Variants in ZNF454 observed in about 807,000 individuals in gnomAD.
The protein encoded by ZNF454 is zinc finger protein 454.
In ZNF454, 30 loss-of-function variants were observed where a neutral mutation model predicts 48.2. The ratio of observed to expected loss-of-function variants is 0.62; its 90% CI spans 0.47 to 0.84. The LOEUF (loss-of-function observed/expected upper bound fraction) is 0.84. Ranked by LOEUF, ZNF454 falls within the 40% of genes least tolerant of loss-of-function variation. The pLI, the probability that ZNF454 is intolerant of heterozygous loss-of-function variation, is 0.00. For missense variants in ZNF454, 510 were observed against 623.1 expected (o/e 0.82, Z 1.93); for synonymous variants, 204 against 211.4 (o/e 0.97, Z 0.30).
chr5:178,973,615 G>A, the ZNF454 span, among the ~76,000 whole-genome samples: 1 of 152,054 alleles, frequency 6.6e-6, no homozygotes, highest in Non-Finnish European at 1.5e-5. Flanking sequence ...AGGCCGAAGC[G>A]GGCGGATCAC....
chr5:178,969,215 C>T (rs1040102181), downstream of ZNF454, among the ~76,000 whole-genome samples: 6 of 152,146 alleles, frequency 3.9e-5, no homozygotes, highest in African/African-American at 1.2e-4. Context: ...ACTTTTCTCA[C>T]GTGGATGATA....
chr5:178,946,473 C>T lies in ZNF454; in HGVS notation c.148C>T (p.Leu50=), dbSNP rs747329042. The T allele has an allele frequency of 6.0e-5, 96 of 1,598,480 alleles. No homozygotes were observed. Among genetic ancestry groups the T allele is most frequent in the Middle Eastern group, 5.0e-4 (3 of 6,026 alleles). Residue 50 remains leucine (L), a synonymous_variant, in exon 3 of 5, where the codon CTG becomes TTG. Transcript: ENST00000519564. The surrounding 1 kb of genome is among the most constrained non-coding windows in gnomAD (Gnocchi z 4.5). ...CGTGATGCTGGAGAACTACAGCAACCTGGTCTCACTGGGTAAGTGGGACCC... is the reference window on the plus strand; with the variant it reads ...CGTGATGCTGGAGAACTACAGCAACTTGGTCTCACTGGGTAAGTGGGACCC... The part of the protein sequence containing the change: ...RDVMLENYSN[L]VSLGLLGPKP...
chr5:178,947,095 G>A lies in ZNF454; in HGVS notation c.250+109G>A, dbSNP rs893538708. On this transcript the variant is annotated intron_variant, in intron 4 of 4. Transcript: ENST00000519564. ...ATGCACCTGCCTGAGGATTGAGAAA[G>A]AGCCTGTTTCACATTCGTTCACCTG... 6 of 884,822 alleles carry A rather than the reference G, an allele frequency of 6.8e-6. No homozygotes were observed. The Middle Eastern group carries it at 1.5e-3, about 225-fold the overall frequency. 54.8% of individuals were successfully genotyped at this position (884,822 alleles called of 1,614,324 possible).
intron 4 of ZNF454, among the ~76,000 whole-genome samples, chr5:178,960,524 G>A (rs578140322): frequency 2.0e-5 from 3 of 151,574 alleles, no homozygotes; most frequent in Non-Finnish European, 4.4e-5. Context: ...AAAGTTCTGG[G>A]ATTACAGGCA....
the ZNF454 span, chr5:178,983,501 C>T: frequency 9.7e-5 from 62 of 637,440 alleles, 1 homozygote; most frequent in South Asian, 9.3e-4. Flanking sequence ...GTGCAGTGTG[C>T]ATAAGGGGCA....
chr5:178,975,426 C>T, the ZNF454 span, among the ~76,000 whole-genome samples: 1 of 152,182 alleles, frequency 6.6e-6, no homozygotes, highest in Non-Finnish European at 1.5e-5. Flanking sequence ...TTCAAGAGTG[C>T]AGCTTGGTGC....
intron 4 of ZNF454, among the ~76,000 whole-genome samples, chr5:178,952,826 T>C (rs193089125): frequency 1.6e-4 from 25 of 152,324 alleles, no homozygotes; most frequent in Admixed American, 2.6e-4. Context: ...GTGACTTTGC[T>C]GATCCTTTCT....
the ZNF454 span, among the ~76,000 whole-genome samples, chr5:178,982,576 CAAAAAAAAAAAAAAAA>C: frequency 5.0e-5 from 1 of 20,168 alleles, no homozygotes; most frequent in African/African-American, 2.5e-4. Flanking sequence ...GACTCTGTCT[CAAAAAAAAAAAAAAAA>C]AAAAAAAAAA....
intron 1 of ZNF454, 47 bp from the exon 2 acceptor site, chr5:178,942,638 C>A: frequency 1.3e-6 from 1 of 741,222 alleles, no homozygotes; most frequent in Non-Finnish European, 2.2e-6. Flanking sequence ...CACTGCCTCG[C>A]TCTGGACTGC....
At chr5:178,967,827 C>T (rs1760188065), downstream of ZNF454, among the ~76,000 whole-genome samples, 2 of 148,488 alleles carry the variant, frequency 1.3e-5, no homozygotes, top group Non-Finnish European at 1.5e-5. Flanking sequence ...GTAACTTCCA[C>T]CTCCTGGGTT....
intron 1 of ZNF454, among the ~76,000 whole-genome samples, chr5:178,942,074 A>C (rs1440137851): frequency 6.6e-6 from 1 of 152,112 alleles, no homozygotes; most frequent in African/African-American, 2.4e-5. Flanking sequence ...TTTCGGGTAC[A>C]TCCTGGTGGG....
At chr5:178,954,203 A>G (rs1281306038) in intron 4 of ZNF454, among the ~76,000 whole-genome samples, 2 of 152,188 alleles carry the variant, frequency 1.3e-5, no homozygotes, top group East Asian at 3.9e-4. Flanking sequence ...GGTTGCAGTG[A>G]GCTGAGATTG....
rs149750769 is a variant in ZNF454 at position 178,965,184 on chromosome 5, G to A, written c.780G>A (p.Thr260=). 68 of 1,613,908 alleles carry A rather than the reference G, an allele frequency of 4.2e-5. No homozygotes were observed. Among genetic ancestry groups the A allele is most frequent in the East Asian group, 3.6e-4 (16 of 44,878 alleles). Residue 260 remains threonine, a synonymous_variant, in exon 5 of 5, where the codon ACG becomes ACA. Coordinates refer to ENST00000519564, the MANE Select transcript of ZNF454 (RefSeq NM_001178089.3). This position sits in a 1 kb window ranked among gnomAD's most constrained non-coding sequence, Gnocchi z 5.2. ...CCTTCTCAGTGAGCTCCTCACTTACGTACCATCAGAAAATTCATACTGGAG... is the reference window on the plus strand; with the variant it reads ...CCTTCTCAGTGAGCTCCTCACTTACATACCATCAGAAAATTCATACTGGAG... ...GKAFSVSSSL[T]YHQKIHTGEK...
At chr5:178,960,204 G>A (rs2113262076) in intron 4 of ZNF454, among the ~76,000 whole-genome samples, 1 of 150,886 alleles carries the variant, frequency 6.6e-6, no homozygotes. Flanking sequence ...TCCTGCCTTG[G>A]CCTCCCAAAG....
intron 4 of ZNF454, among the ~76,000 whole-genome samples, chr5:178,960,288 G>A (rs1007974537): frequency 4.8e-5 from 6 of 125,028 alleles, no homozygotes; most frequent in Non-Finnish European, 8.3e-5. Context: ...ACGTAGTTTC[G>A]CTCTTGTTGC....
the ZNF454 span, chr5:178,983,090 G>T: frequency 1.2e-6 from 2 of 1,614,152 alleles, no homozygotes; most frequent in Admixed American, 3.3e-5. Flanking sequence ...CCAGGCAGCC[G>T]ATGAGAGACA....
the ZNF454 span, among the ~76,000 whole-genome samples, chr5:178,984,466 A>G: frequency 6.6e-6 from 1 of 152,206 alleles, no homozygotes; most frequent in African/African-American, 2.4e-5. Context: ...AGTCATGGCA[A>G]AACACCTAGG....
chr5:178,946,294 C>G lies in ZNF454; in HGVS notation c.34-65C>G. On this transcript the variant is annotated intron_variant, in intron 2 of 4. Coordinates refer to ENST00000519564, the MANE Select transcript of ZNF454 (RefSeq NM_001178089.3). This position sits in a 1 kb window ranked among gnomAD's most constrained non-coding sequence, Gnocchi z 4.5. ...GCACAAGCTCCTAGGGGCTGCCAGT[C>G]TCTTTTCCAGAGAACCATGTGCAGG... 1 of 1,586,942 alleles carries G rather than the reference C, an allele frequency of 6.3e-7. No individual in the cohort carries two copies. Among genetic ancestry groups the G allele is most frequent in the Non-Finnish European group, 8.5e-7 (1 of 1,172,170 alleles).
intron 4 of ZNF454, among the ~76,000 whole-genome samples, chr5:178,950,848 G>T (rs1414301356): frequency 1.3e-5 from 2 of 150,322 alleles, no homozygotes; most frequent in Non-Finnish European, 3.0e-5. Flanking sequence ...TTCTTTTAAA[G>T]AACCATTTCT....
Sources: gnomAD v4.1 joint callset for allele counts (sites outside exome capture counted in the v4.1 genomes callset) on GRCh38, gnomAD v4.1.1 for gene constraint, Gnocchi (gnomAD v3.1) non-coding constraint, MANE v1.5 for transcripts, NCBI Gene and HGNC (gene_info 2026-07-23, HGNC 2026-07-21) for gene names.